The following CCR1 variants were observed in gnomAD, a reference collection of about 807,000 sequenced individuals.
CCR1 encodes C-C chemokine receptor type 1.
CCR1 carries 1 observed loss-of-function variant against 0.3 expected under a neutral mutation model. The observed-to-expected ratio is 3.70, with a 90% confidence interval of 1.31 to 17.54. The LOEUF is 17.54. Among genes scored for constraint, CCR1 ranks in the 30% most tolerant of loss-of-function variants. The pLI, the probability that CCR1 is intolerant of heterozygous loss-of-function variation, is 0.11. For synonymous variants in CCR1, 207 were observed against 182.5 expected, an observed-to-expected ratio of 1.13 and a Z score of -1.08; for missense variants, 349 against 435.4, an observed-to-expected ratio of 0.80 and a Z score of 1.77.
intron 1 of CCR1, among the ~76,000 whole-genome samples, chr3:46,205,234 C>A (rs1699636730): frequency 6.6e-6 from 1 of 152,120 alleles, no homozygotes; most frequent in Admixed American, 6.5e-5. Flanking sequence ...GTGGGCTGAG[C>A]CTGACCCACA....
rs1355986054 is a variant in CCR1, at chr3:46,203,822, A to G, written c.492T>C (p.Ala164=). The G allele has an allele frequency of 1.4e-5, 23 of 1,614,194 alleles. No homozygotes were observed. The highest frequency in any genetic ancestry group is 1.9e-5 in the Non-Finnish European group (22 of 1,180,024). ...TGGAAAAGTATAAGCCTGGCATGGA[A>G]GCCAAGATGGCCAGGGCCCAAATGA... is the stretch of plus-strand genomic sequence containing the variant. ...SIIIWALAIL[A]SMPGLYFSKT... is the part of the protein sequence containing the mutation. The change falls in exon 2 of 2, where the codon GCT becomes GCC. Residue 164 remains alanine, a synonymous_variant. Transcript: ENST00000296140. This position sits in a 1 kb window ranked among gnomAD's most constrained non-coding sequence, Gnocchi z 4.5.
Position 46,203,187 on chromosome 3 carries a change from G to T in CCR1, c.*59C>A. ...CCTGGCTGGGAGAGCCAGGCTGCTG[G>T]CTCAGTGTGCCTGGCAGGTCACGCC... On this transcript the variant is annotated 3_prime_UTR_variant, in exon 2 of 2. Transcript: ENST00000296140. The surrounding 1 kb of genome is among the most constrained non-coding windows in gnomAD (Gnocchi z 4.5). 3.9e-6 allele frequency: 5 copies of T among 1,278,288 alleles called. No individual in the cohort carries two copies. Among genetic ancestry groups the T allele is most frequent in the Non-Finnish European group, 5.5e-6 (5 of 902,094 alleles). The allele number at this position is 1,278,288 out of a possible 1,614,324, so 79.2% of individuals were successfully genotyped here. A position where few individuals can be genotyped will look rare whatever the true frequency, so the allele number is the denominator to read the frequency against.
rs1699628711 is a variant in CCR1, at chr3:46,204,338, A to C, written c.-11-14T>G. The C allele has an allele frequency of 6.8e-7, 1 of 1,481,306 alleles. No individual in the cohort carries two copies. Among genetic ancestry groups the C allele is most frequent in the Non-Finnish European group, 9.1e-7 (1 of 1,104,306 alleles). The allele number at this position is 1,481,306 out of a possible 1,614,324, so 91.8% of individuals were successfully genotyped here. On this transcript the variant is annotated splice_polypyrimidine_tract_variant and intron_variant, in intron 1 of 1. Transcript: ENST00000296140. ...TCCCGGCTTCTCCTACAGGTTAAAAAAAAAAAAAAGATTTGTCTTTACTCT... is the reference window on the plus strand; with the variant it reads ...TCCCGGCTTCTCCTACAGGTTAAAACAAAAAAAAAGATTTGTCTTTACTCT...
intron 1 of CCR1, among the ~76,000 whole-genome samples, chr3:46,205,965 A>G (rs34865316): frequency 0.069 from 10,443 of 152,100 alleles, 584 homozygotes; most frequent in South Asian, 0.27. Context: ...CCCCCTGCCA[A>G]ATTTCTTTGT....
intron 1 of CCR1, among the ~76,000 whole-genome samples, chr3:46,207,236 T>A (rs996900435): frequency 6.6e-6 from 1 of 152,136 alleles, no homozygotes; most frequent in African/African-American, 2.4e-5. Context: ...AAAGGATCAG[T>A]GAGTGGCACA....
At position 46,203,829 on chromosome 3, in the gene CCR1, A is replaced by T; in HGVS notation, c.485T>A (p.Ile162Asn). ...ITSIIIWALA[I>N]LASMPGLYFS... ...GTATAAGCCTGGCATGGAAGCCAAG[A>T]TGGCCAGGGCCCAAATGATGATGCT... Residue 162 changes from isoleucine to asparagine, a missense_variant, in exon 2 of 2, where the codon ATC becomes AAC. Ile to Asn is a moderately radical substitution (Grantham distance 149). Transcript: ENST00000296140. This position sits in a 1 kb window ranked among gnomAD's most constrained non-coding sequence, Gnocchi z 4.5. 1 of 1,614,208 alleles carries T rather than the reference A, an allele frequency of 6.2e-7. No homozygotes were observed. Among genetic ancestry groups the T allele is most frequent in the Non-Finnish European group, 8.5e-7 (1 of 1,180,026 alleles).
chr3:46,204,751 A>T (rs1180787115), intron 1 of CCR1, among the ~76,000 whole-genome samples: 1 of 152,166 alleles, frequency 6.6e-6, no homozygotes, highest in Non-Finnish European at 1.5e-5. Context: ...TTAAGAGGTG[A>T]TGAAACAGAG....
Position 46,202,689 on chromosome 3 carries a change from G to A in CCR1, c.*557C>T, listed in dbSNP as rs1182162204. On this transcript the variant is annotated 3_prime_UTR_variant, in exon 2 of 2. Coordinates refer to ENST00000296140, the MANE Select transcript of CCR1 (RefSeq NM_001295.3). The stretch of plus-strand genomic sequence containing the variant: ...CAAATCCTGCGGTGGGAGTGAAGGG[G>A]AGGCAGATGCTGGCTACTGATTGGC... 1 of 151,828 alleles carries A rather than the reference G, an allele frequency of 6.6e-6. No homozygotes were observed. The highest frequency in any genetic ancestry group is 2.4e-5 in the African/African-American group (1 of 41,272). The allele number at this position is 151,828 out of a possible 1,614,324, so 9.4% of individuals were successfully genotyped here.
chr3:46,202,424 A>G lies in CCR1; in HGVS notation c.*822T>C, dbSNP rs1437262527. On this transcript the variant is annotated 3_prime_UTR_variant, in exon 2 of 2. Coordinates refer to ENST00000296140, the MANE Select transcript of CCR1 (RefSeq NM_001295.3). Reference sequence around the variant, plus strand: ...AGAGAGATTCTGAAAAATAGTCAGAAAAGAAGGGTAAATGGAAATGATGAG... The same window carrying G: ...AGAGAGATTCTGAAAAATAGTCAGAGAAGAAGGGTAAATGGAAATGATGAG... 1 of 152,164 alleles carries G rather than the reference A, an allele frequency of 6.6e-6. No homozygotes were observed. Among genetic ancestry groups the G allele is most frequent in the Non-Finnish European group, 1.5e-5 (1 of 68,034 alleles). 9.4% of individuals were successfully genotyped at this position (152,164 alleles called of 1,614,324 possible).
In CCR1 at chr3:46,203,913, G is replaced by A. The variant is rs1306239425; in HGVS notation, c.401C>T (p.Ala134Val). Residue 134 changes from alanine (A) to valine (V), a missense_variant, in exon 2 of 2, where the codon GCC (alanine) becomes GTC (valine). Physicochemically the swap from Ala to Val is moderately conservative, Grantham distance 64. Transcript: ENST00000296140. The surrounding 1 kb of genome is among the most constrained non-coding windows in gnomAD (Gnocchi z 4.5). ...IILLTIDRYL[A>V]IVHAVFALRA... ...CAAGGCAAACACGGCGTGGACGATG[G>A]CCAGGTACCTGTCAATCGTCAGCAG... The A allele has an allele frequency of 6.2e-7, 1 of 1,614,084 alleles. No individual in the cohort carries two copies. The highest frequency in any genetic ancestry group is 8.5e-7 in the Non-Finnish European group (1 of 1,180,042).
chr3:46,206,894 T>C (rs3176824), intron 1 of CCR1, among the ~76,000 whole-genome samples: 10,478 of 152,246 alleles, frequency 0.069, 588 homozygotes, highest in South Asian at 0.27. Context: ...CCTCCACTGC[T>C]AGTGTCCTCC....
At position 46,203,574 on chromosome 3, in the gene CCR1, A is replaced by T. The variant is rs1389682776; in HGVS notation, c.740T>A (p.Ile247Asn). 6.2e-7 allele frequency: 1 copy of T among 1,614,178 alleles called. No individual in the cohort carries two copies. Among genetic ancestry groups the T allele is most frequent in the Non-Finnish European group, 8.5e-7 (1 of 1,180,004 alleles). ...AVRLIFVIMI[I>N]FFLFWTPYNL... is the part of the protein sequence containing the mutation. Reference sequence around the variant, plus strand: ...GTAGGGGGTCCAAAAGAGAAAAAAGATGATCATGATGACAAAAATCAAACG... The same window carrying T: ...GTAGGGGGTCCAAAAGAGAAAAAAGTTGATCATGATGACAAAAATCAAACG... Residue 247 changes from isoleucine to asparagine, a missense_variant, in exon 2 of 2, where the codon ATC (isoleucine) becomes AAC (asparagine). Physicochemically the swap from Ile to Asn is moderately radical, Grantham distance 149 (BLOSUM62 -3). Transcript: ENST00000296140. The surrounding 1 kb of genome is among the most constrained non-coding windows in gnomAD (Gnocchi z 4.5).
At chr3:46,204,381 G>A (rs912965544) in intron 1 of CCR1, 57 bp from the exon 2 acceptor site, 1 of 1,107,566 alleles carries the variant, frequency 9.0e-7, no homozygotes, top group African/African-American at 1.6e-5. Flanking sequence ...AAGGCAGTGG[G>A]CACTGGACAG....
chr3:46,205,224 G>A (rs1559520614), intron 1 of CCR1, among the ~76,000 whole-genome samples: 1 of 152,198 alleles, frequency 6.6e-6, no homozygotes. Context: ...GGGCACCAGA[G>A]TGGGCTGAGC....
chr3:46,203,880 C>A lies in CCR1; in HGVS notation c.434G>T (p.Arg145Leu). ...GGTGATGACACCAAAAGTGACGGTC[C>A]GTGCCCGCAAGGCAAACACGGCGTG... ...IVHAVFALRARTVTFGVITSI... is the reference protein window; with the variant it reads ...IVHAVFALRALTVTFGVITSI... The change falls in exon 2 of 2, where the codon CGG becomes CTG. Residue 145 changes from arginine to leucine, a missense_variant. Arg to Leu is a moderately radical substitution (Grantham distance 102). Coordinates refer to ENST00000296140, the MANE Select transcript of CCR1 (RefSeq NM_001295.3). The surrounding 1 kb of genome is among the most constrained non-coding windows in gnomAD (Gnocchi z 4.5). The A allele has an allele frequency of 6.2e-7, 1 of 1,614,176 alleles. No homozygotes were observed. Among genetic ancestry groups the A allele is most frequent in the Non-Finnish European group, 8.5e-7 (1 of 1,180,034 alleles).
rs1343228217 is a variant in CCR1, at chr3:46,204,237, T to C, written c.77A>G (p.Lys26Arg). 3 of 1,614,074 alleles carry C rather than the reference T, an allele frequency of 1.9e-6. No homozygotes were observed. The highest frequency in any genetic ancestry group is 2.5e-6 in the Non-Finnish European group (3 of 1,179,972). Residue 26 changes from lysine (K) to arginine (R), a missense_variant, in exon 2 of 2, where the codon AAG (lysine) becomes AGG (arginine). Lys to Arg is a conservative substitution (Grantham distance 26). Coordinates refer to ENST00000296140, the MANE Select transcript of CCR1 (RefSeq NM_001295.3). ...FDYGDATPCQ[K>R]VNERAFGAQL... is the part of the protein sequence containing the mutation. Reference sequence around the variant, plus strand: ...GGCCCCAAAGGCCCTCTCGTTCACCTTCTGGCACGGAGTTGCATCCCCATA... The same window carrying C: ...GGCCCCAAAGGCCCTCTCGTTCACCCTCTGGCACGGAGTTGCATCCCCATA...
At chr3:46,207,605 C>T (rs1042060211) in intron 1 of CCR1, among the ~76,000 whole-genome samples, 11 of 151,994 alleles carry the variant, frequency 7.2e-5, no homozygotes, top group African/African-American at 2.4e-4. Context: ...TTTCTTCATA[C>T]ACCATGTTTG....
rs778533903 is a variant in CCR1, at chr3:46,203,556, G to C, written c.758C>G (p.Thr253Ser). Reference sequence around the variant, plus strand: ...AATAAGTATAGTCAAATTGTAGGGGGTCCAAAAGAGAAAAAAGATGATCAT... The same window carrying C: ...AATAAGTATAGTCAAATTGTAGGGGCTCCAAAAGAGAAAAAAGATGATCAT... ...VIMIIFFLFW[T>S]PYNLTILISV... Residue 253 changes from threonine to serine, a missense_variant, in exon 2 of 2, where the codon ACC becomes AGC. Coordinates refer to ENST00000296140, the MANE Select transcript of CCR1 (RefSeq NM_001295.3). The surrounding 1 kb of genome is among the most constrained non-coding windows in gnomAD (Gnocchi z 4.5). 1.2e-6 allele frequency: 2 copies of C among 1,614,082 alleles called. No individual in the cohort carries two copies. Among genetic ancestry groups the C allele is most frequent in the Non-Finnish European group, 1.7e-6 (2 of 1,179,984 alleles).
chr3:46,203,647 T>C lies in CCR1; in HGVS notation c.667A>G (p.Ile223Val). 6.2e-7 allele frequency: 1 copy of C among 1,614,256 alleles called. No individual in the cohort carries two copies. The highest frequency in any genetic ancestry group is 8.5e-7 in the Non-Finnish European group (1 of 1,180,034). The change falls in exon 2 of 2, where the codon ATA becomes GTA. Residue 223 changes from isoleucine to valine, a missense_variant. By Grantham distance (29) the Ile-to-Val change is conservative. Transcript: ENST00000296140. This position sits in a 1 kb window ranked among gnomAD's most constrained non-coding sequence, Gnocchi z 4.5. ...TTTGGTCGTCTTAGCAGAATCTTTA[T>C]AATCCCTGTGTAGCAGATGATCATG... ...LVMIICYTGI[I>V]KILLRRPNEK... is the part of the protein sequence containing the mutation.
Sources: gnomAD v4.1 joint callset for allele counts (sites outside exome capture counted in the v4.1 genomes callset) on GRCh38, gnomAD v4.1.1 for gene constraint, Gnocchi (gnomAD v3.1) non-coding constraint, MANE v1.5 for transcripts, NCBI Gene and HGNC (gene_info 2026-07-23, HGNC 2026-07-21) for gene names.